The following SUCLG2 variants were observed in gnomAD, a reference collection of about 807,000 sequenced individuals.
SUCLG2 encodes succinate-CoA ligase GDP-forming subunit beta, also known as succinate--CoA ligase [GDP-forming] subunit beta, mitochondrial.
Under a neutral mutation model 47.9 loss-of-function variants are expected in SUCLG2, and 42 were observed. That is an observed-to-expected ratio of 0.88 (90% CI 0.69 to 1.14). SUCLG2 has a LOEUF of 1.14. SUCLG2 is among the 50% of genes most tolerant of loss of function. The pLI is 0.00. For synonymous variants in SUCLG2, 195 were observed against 197.3 expected, an observed-to-expected ratio of 0.99 and a Z score of 0.10; for missense variants, 571 against 525.9, an observed-to-expected ratio of 1.09 and a Z score of -0.84.
At chr3:67,414,692 A>G (rs1425548246) in intron 9 of SUCLG2, among the ~76,000 whole-genome samples, 1 of 152,188 alleles carries the variant, frequency 6.6e-6, no homozygotes, top group Non-Finnish European at 1.5e-5. Flanking sequence ...TGTATCTGAG[A>G]GCAGCATCTG....
intron 2 of SUCLG2, among the ~76,000 whole-genome samples, chr3:67,559,890 T>C (rs1311857988): frequency 6.6e-6 from 1 of 150,892 alleles, no homozygotes; most frequent in African/African-American, 2.4e-5. Context: ...CCTGATGATG[T>C]GTCAATGTAG....
intron 1 of SUCLG2, among the ~76,000 whole-genome samples, chr3:67,613,236 T>C (rs978031835): frequency 4.6e-5 from 7 of 152,218 alleles, no homozygotes; most frequent in Non-Finnish European, 4.4e-5. Flanking sequence ...AATTATGCTA[T>C]GGGCTTTCTA....
At chr3:67,583,047 C>T (rs2088781647) in intron 2 of SUCLG2, among the ~76,000 whole-genome samples, 1 of 152,084 alleles carries the variant, frequency 6.6e-6, no homozygotes, top group African/African-American at 2.4e-5. Flanking sequence ...GGGAAAATAC[C>T]TTACACTGTC....
chr3:67,443,785 G>A (rs1354067969), intron 9 of SUCLG2, among the ~76,000 whole-genome samples: 1 of 82,456 alleles, frequency 1.2e-5, no homozygotes, highest in African/African-American at 3.7e-5. Context: ...CGGCCGCCCC[G>A]TCTGAGAAGT....
intron 9 of SUCLG2, among the ~76,000 whole-genome samples, chr3:67,443,152 G>C (rs1160585068): frequency 1.3e-5 from 2 of 152,124 alleles, no homozygotes; most frequent in African/African-American, 4.8e-5. Context: ...TATAAAGGAG[G>C]ATGTGTCTAG....
intron 9 of SUCLG2, among the ~76,000 whole-genome samples, chr3:67,413,107 A>C (rs1316603007): frequency 2.6e-5 from 4 of 152,092 alleles, no homozygotes; most frequent in African/African-American, 7.2e-5. Flanking sequence ...AATACCTAAG[A>C]ATCTGAAATT....
chr3:67,361,641 A>T (rs866641382), intron 10 of SUCLG2, among the ~76,000 whole-genome samples: 5 of 152,296 alleles, frequency 3.3e-5, no homozygotes, highest in Non-Finnish European at 7.4e-5. Context: ...GCCCCTGCCC[A>T]CTTCTCTATT....
intron 10 of SUCLG2, among the ~76,000 whole-genome samples, chr3:67,393,714 G>A (rs1702450632): frequency 6.6e-6 from 1 of 152,250 alleles, no homozygotes; most frequent in Non-Finnish European, 1.5e-5. Flanking sequence ...CGGGCAGACT[G>A]CCTCCTCAAG....
intron 1 of SUCLG2, among the ~76,000 whole-genome samples, chr3:67,617,872 A>G (rs749666606): frequency 6.6e-6 from 1 of 152,248 alleles, no homozygotes; most frequent in Non-Finnish European, 1.5e-5. Context: ...ATCCAGAAAT[A>G]TAAAAGAGGA....
At chr3:67,554,127 G>C (rs1382076235) in intron 2 of SUCLG2, among the ~76,000 whole-genome samples, 2 of 152,124 alleles carry the variant, frequency 1.3e-5, no homozygotes, top group Non-Finnish European at 2.9e-5. Flanking sequence ...AGCCAGGTTG[G>C]AGCTATCTTT....
chr3:67,457,351 T>C (rs6805028), intron 9 of SUCLG2, among the ~76,000 whole-genome samples: 90,429 of 151,874 alleles, frequency 0.6, 27,677 homozygotes, highest in Admixed American at 0.69. Context: ...CATGGAAATG[T>C]AAAACAATTT....
At chr3:67,494,382 C>A (rs140082709) in intron 9 of SUCLG2, among the ~76,000 whole-genome samples, 8 of 152,278 alleles carry the variant, frequency 5.3e-5, no homozygotes, top group African/African-American at 1.9e-4. Flanking sequence ...CGCCTGTAAT[C>A]TCCAAGATCT....
downstream of SUCLG2, among the ~76,000 whole-genome samples, chr3:67,372,396 C>CT (rs3038299): frequency 6.6e-5 from 10 of 151,644 alleles, no homozygotes; most frequent in African/African-American, 2.2e-4. Context: ...ACTGCAGTCA[C>CT]TTTTTTTTTT....
chr3:67,457,684 C>CTTTTTTTTTTTTTTTTTTTTT (rs71109889), intron 9 of SUCLG2, among the ~76,000 whole-genome samples: 1 of 65,516 alleles, frequency 1.5e-5, no homozygotes, highest in Non-Finnish European at 2.6e-5. Flanking sequence ...ACAAAAGCAG[C>CTTTTTTTTTTTTTTTTTTTTT]TTTTTTTTTT....
In SUCLG2 at chr3:67,376,137, T is replaced by C. The variant is rs1039063075; in HGVS notation, c.1184-278A>G. 20 of 984,170 alleles carry C rather than the reference T, an allele frequency of 2.0e-5. No homozygotes were observed. In the East Asian group the frequency reaches 4.6e-4, roughly 23 times the overall value. The allele number at this position is 984,170 out of a possible 1,614,324, so 61.0% of individuals were successfully genotyped here. On this transcript the variant is annotated intron_variant, in intron 10 of 10. Coordinates refer to ENST00000307227, the MANE Select transcript of SUCLG2 (RefSeq NM_003848.4). ...AGTTGTCTGCTGATAATCACAGCCATGTGGATTTAATGCGGTTTTGGCCCA... is the reference window on the plus strand; with the variant it reads ...AGTTGTCTGCTGATAATCACAGCCACGTGGATTTAATGCGGTTTTGGCCCA...
intron 1 of SUCLG2, among the ~76,000 whole-genome samples, chr3:67,610,331 G>A (rs1559595047): frequency 1.3e-5 from 2 of 152,132 alleles, no homozygotes; most frequent in African/African-American, 4.8e-5. Context: ...GTGTATTAAA[G>A]GAAATTTGCT....
rs1484782896 is a variant in SUCLG2 at position 67,498,280 on chromosome 3, G to T, written c.773C>A (p.Ala258Asp). The change falls in exon 8 of 11, where the codon GCC becomes GAC. Residue 258 changes from alanine to aspartate, a missense_variant. By Grantham distance (126) the Ala-to-Asp change is moderately radical. Transcript: ENST00000307227. ...TGCGTTGTCATCAAAGTTTATCTTG[G>T]CATCAAAACAGACAACTAAATAAAG... ...TPEGQVVCFD[A>D]KINFDDNAEF... 6.2e-7 allele frequency: 1 copy of T among 1,612,232 alleles called. No individual in the cohort carries two copies. The highest frequency in any genetic ancestry group is 1.3e-5 in the African/African-American group (1 of 74,202).
chr3:67,612,244 A>T (rs1033935271), intron 1 of SUCLG2, among the ~76,000 whole-genome samples: 3 of 152,080 alleles, frequency 2.0e-5, no homozygotes, highest in Non-Finnish European at 4.4e-5. Context: ...CCACAGTACC[A>T]GCTAATTGGG....
At chr3:67,591,515 G>A (rs1213644625) in intron 2 of SUCLG2, among the ~76,000 whole-genome samples, 1 of 152,094 alleles carries the variant, frequency 6.6e-6, no homozygotes, top group Non-Finnish European at 1.5e-5. Context: ...TCTTTCCCCT[G>A]CTATTCTCAT....
Sources: gnomAD v4.1 joint callset for allele counts (sites outside exome capture counted in the v4.1 genomes callset) on GRCh38, gnomAD v4.1.1 for gene constraint, MANE v1.5 for transcripts, NCBI Gene and HGNC (gene_info 2026-07-23, HGNC 2026-07-21) for gene names.